UBE2E2: variants seen among roughly 807,000 people sequenced by gnomAD.
The protein encoded by UBE2E2 is ubiquitin conjugating enzyme E2 E2.
A neutral mutation model predicts 24.7 loss-of-function variants in UBE2E2; 6 were observed. That is an observed-to-expected ratio of 0.24 (90% CI 0.13 to 0.48). The LOEUF is 0.48. UBE2E2 is among the 20% of genes least tolerant of loss of function. The pLI is 0.99. For synonymous variants in UBE2E2, 104 were observed against 83.6 expected (o/e 1.24, Z -1.33); for missense variants, 169 against 245.0 (o/e 0.69, Z 2.07).
At chr3:23,449,178 G>A (rs1169997486) in intron 3 of UBE2E2, among the ~76,000 whole-genome samples, 2 of 152,202 alleles carry the variant, frequency 1.3e-5, no homozygotes, top group African/African-American at 4.8e-5. Context: ...AACTGTGTGT[G>A]CTGCAGCCCA....
chr3:23,431,220 T>C (rs1401550652), intron 3 of UBE2E2, among the ~76,000 whole-genome samples: 1 of 152,190 alleles, frequency 6.6e-6, no homozygotes, highest in African/African-American at 2.4e-5. Flanking sequence ...AAAAACCACT[T>C]TGCTATTTTG....
intron 5 of UBE2E2, among the ~76,000 whole-genome samples, chr3:23,552,759 T>C (rs1189703498): frequency 6.6e-6 from 1 of 152,206 alleles, no homozygotes; most frequent in Non-Finnish European, 1.5e-5. Flanking sequence ...TGAATGCAAG[T>C]ACATTCTGAA....
rs138518734 is a variant in UBE2E2, at chr3:23,483,902, A to T, written c.228-15706A>T. ...TATTCAAAGAGTATTTAAAGAAATT[A>T]TGTACTGACAAGGTACACAAACACA... On this transcript the variant is annotated intron_variant, in intron 3 of 5. Coordinates refer to ENST00000396703, the MANE Select transcript of UBE2E2 (RefSeq NM_152653.4). 4.6e-5 allele frequency among the ~76,000 whole-genome samples: 7 copies of T among 152,304 alleles called. No individual in the cohort carries two copies. In the East Asian group the frequency reaches 1.3e-3, roughly 29 times the overall value.
intron 3 of UBE2E2, among the ~76,000 whole-genome samples, chr3:23,376,445 T>C (rs6801824): frequency 0.84 from 128,096 of 152,228 alleles, 53,934 homozygotes; most frequent in African/African-American, 0.89. Context: ...GGAGTATACT[T>C]GATAGGTAAG....
intron 3 of UBE2E2, among the ~76,000 whole-genome samples, chr3:23,291,661 T>G (rs910584743): frequency 1.3e-5 from 2 of 150,248 alleles, no homozygotes; most frequent in African/African-American, 4.9e-5. Flanking sequence ...TTTGTATTTA[T>G]TAATTCATTC....
intron 3 of UBE2E2, among the ~76,000 whole-genome samples, chr3:23,291,067 T>TC (rs1698751788): frequency 1.9e-5 from 1 of 52,132 alleles, no homozygotes; most frequent in South Asian, 5.8e-4. Flanking sequence ...AGACCCTGTC[T>TC]TTAAAAAAAA....
chr3:23,505,080 T>G (rs530736090), intron 4 of UBE2E2, among the ~76,000 whole-genome samples: 525 of 35,360 alleles, frequency 0.015, 6 homozygotes, highest in African/African-American at 0.07. Context: ...TAATTTTTGT[T>G]TTTTTTTTTG....
intron 5 of UBE2E2, among the ~76,000 whole-genome samples, chr3:23,535,679 A>C (rs1343733595): frequency 7.5e-6 from 1 of 133,004 alleles, no homozygotes; most frequent in Non-Finnish European, 1.5e-5. Flanking sequence ...GCTGGATTGC[A>C]ATGGCACGAT....
At chr3:23,320,775 C>T (rs548674966) in intron 3 of UBE2E2, among the ~76,000 whole-genome samples, 2 of 152,214 alleles carry the variant, frequency 1.3e-5, no homozygotes, top group Non-Finnish European at 2.9e-5. Context: ...TTGATTAATC[C>T]ACCCCGGCAT....
chr3:23,420,659 C>T (rs1697773506), intron 3 of UBE2E2, among the ~76,000 whole-genome samples: 1 of 152,188 alleles, frequency 6.6e-6, no homozygotes, highest in South Asian at 2.1e-4. Context: ...GTATTCTTCA[C>T]CTACACCAGA....
intron 3 of UBE2E2, among the ~76,000 whole-genome samples, chr3:23,329,058 T>C: frequency 6.6e-6 from 1 of 152,224 alleles, no homozygotes; most frequent in African/African-American, 2.4e-5. Flanking sequence ...TCCCTGGATC[T>C]TATTTGCTAA....
intron 3 of UBE2E2, among the ~76,000 whole-genome samples, chr3:23,394,793 A>G (rs995127830): frequency 1.3e-5 from 2 of 152,194 alleles, no homozygotes; most frequent in Non-Finnish European, 2.9e-5. Context: ...CAAAAGGTAG[A>G]ACAGCACTCA....
chr3:23,431,187 A>G (rs1294386066), intron 3 of UBE2E2, among the ~76,000 whole-genome samples: 1 of 152,182 alleles, frequency 6.6e-6, no homozygotes, highest in East Asian at 1.9e-4. Flanking sequence ...ACGACAAAGG[A>G]AGTTTTCACA....
At chr3:23,467,894 G>A (rs570359938) in intron 3 of UBE2E2, among the ~76,000 whole-genome samples, 1 of 152,282 alleles carries the variant, frequency 6.6e-6, no homozygotes, top group South Asian at 2.1e-4. Flanking sequence ...CTGCAGGAGA[G>A]AGACAGTGAA....
intron 3 of UBE2E2, among the ~76,000 whole-genome samples, chr3:23,499,167 A>G (rs1381350828): frequency 1.3e-5 from 2 of 152,192 alleles, no homozygotes; most frequent in South Asian, 4.1e-4. Flanking sequence ...TTCAGATGGG[A>G]TATGATATTT....
At chr3:23,500,479 T>C (rs369089952) in intron 4 of UBE2E2, among the ~76,000 whole-genome samples, 2 of 152,324 alleles carry the variant, frequency 1.3e-5, no homozygotes. Context: ...CTGTTTTAAA[T>C]ATTGTGTCGT....
Position 23,354,443 on chromosome 3 carries a change from G to A in UBE2E2, c.227+137131G>A, listed in dbSNP as rs1015729438. 3.3e-5 allele frequency among the ~76,000 whole-genome samples: 5 copies of A among 152,200 alleles called. No homozygotes were observed. In the South Asian group the frequency reaches 6.2e-4, roughly 19 times the overall value. ...AAGAAACTACCATCAGAGTGAACAG[G>A]CAACCTGCAAAATGGGTGAAAATTT... On this transcript the variant is annotated intron_variant, in intron 3 of 5. Transcript: ENST00000396703.
rs1235388661 is a variant in UBE2E2 at position 23,493,724 on chromosome 3, T to C, written c.228-5884T>C. Among the ~76,000 whole-genome samples the C allele has an allele frequency of 4.6e-5, 7 of 152,238 alleles. No homozygotes were observed. In the East Asian group the frequency reaches 1.3e-3, roughly 29 times the overall value. ...ATATACATGATTTCTAAAGTTCTGCTATATCTAAATATACATCATAAGATT... is the reference window on the plus strand; with the variant it reads ...ATATACATGATTTCTAAAGTTCTGCCATATCTAAATATACATCATAAGATT... On this transcript the variant is annotated intron_variant, in intron 3 of 5. Coordinates refer to ENST00000396703, the MANE Select transcript of UBE2E2 (RefSeq NM_152653.4).
At chr3:23,267,293 T>C (rs1047621509) in intron 3 of UBE2E2, among the ~76,000 whole-genome samples, 8 of 151,368 alleles carry the variant, frequency 5.3e-5, no homozygotes, top group Admixed American at 1.3e-4. Context: ...ATCAACAAAA[T>C]TGATAGACCG....
Sources: allele counts gnomAD v4.1 joint callset (sites outside exome capture counted in the v4.1 genomes callset), GRCh38; gene constraint gnomAD v4.1.1; transcripts MANE v1.5; gene names NCBI Gene and HGNC (gene_info 2026-07-23, HGNC 2026-07-21).